Variants in CUL2 observed in about 807,000 individuals in gnomAD.
CUL2 encodes cullin 2, also known as cullin-2.
CUL2 carries 22 observed loss-of-function variants against 110.2 expected under a neutral mutation model. The ratio of observed to expected loss-of-function variants is 0.20; its 90% CI spans 0.14 to 0.28. CUL2 has a LOEUF of 0.28. Among genes scored for constraint, CUL2 ranks in the 10% least tolerant of loss-of-function variants. The probability of loss-of-function intolerance (pLI) is 1.00; values close to 1 mark genes in which losing one functional copy is unlikely to be tolerated. For synonymous variants in CUL2, 279 were observed against 293.2 expected (o/e 0.95, Z 0.49); for missense variants, 631 against 905.5 (o/e 0.70, Z 3.89).
At chr10:35,029,202 C>A (rs1474707708) in intron 15 of CUL2, among the ~76,000 whole-genome samples, 1 of 152,092 alleles carries the variant, frequency 6.6e-6, no homozygotes, top group African/African-American at 2.4e-5. Flanking sequence ...GGATTACAGG[C>A]ACGCACCACC....
At position 35,033,216 on chromosome 10, in the gene CUL2, T is replaced by C; in HGVS notation, c.1060A>G (p.Ile354Val). Reference sequence around the variant, plus strand: ...TGATCACCATTCAAAACAGTGTTGATAAGCTGAACAAATTTACCATGCACT... The same window carrying C: ...TGATCACCATTCAAAACAGTGTTGACAAGCTGAACAAATTTACCATGCACT... Reference protein sequence around the residue: ...LEVHGKFVQLINTVLNGDQHF... With the variant: ...LEVHGKFVQLVNTVLNGDQHF... The change falls in exon 11 of 21, where the codon ATC becomes GTC. Residue 354 changes from isoleucine to valine, a missense_variant. Physicochemically the swap from Ile to Val is conservative, Grantham distance 29 (BLOSUM62 3). This residue lies in a region of CUL2 where 338 missense variants were observed against 442.5 expected (regional missense o/e 0.76). Coordinates refer to ENST00000374749, the MANE Select transcript of CUL2 (RefSeq NM_003591.4). The C allele has an allele frequency of 1.9e-6, 3 of 1,613,820 alleles. No homozygotes were observed. Among genetic ancestry groups the C allele is most frequent in the Non-Finnish European group, 2.5e-6 (3 of 1,179,910 alleles).
rs146013838 is a variant in CUL2, at chr10:35,037,918, C to G, written c.877+1002G>C. Among the ~76,000 whole-genome samples the G allele has an allele frequency of 4.5e-3, 680 of 152,002 alleles. 4 individuals carry two copies. Among genetic ancestry groups the G allele is most frequent in the African/African-American group, 0.015 (638 of 41,454 alleles). On this transcript the variant is annotated intron_variant, in intron 9 of 20. Coordinates refer to ENST00000374749, the MANE Select transcript of CUL2 (RefSeq NM_003591.4). ...CCTGTAATCCCAGCACTTCGGGAGG[C>G]CGGGGCAAGCAGATTATCTGAGGTC...
intron 17 of CUL2, among the ~76,000 whole-genome samples, chr10:35,019,865 G>C (rs771829640): frequency 2.0e-5 from 3 of 152,154 alleles, no homozygotes; most frequent in Admixed American, 6.5e-5. Flanking sequence ...ACTACATTAG[G>C]TTCCTGGAAC....
At chr10:35,017,203 C>T (rs1392342021) in intron 17 of CUL2, among the ~76,000 whole-genome samples, 2 of 152,042 alleles carry the variant, frequency 1.3e-5, no homozygotes, top group African/African-American at 2.4e-5. Context: ...AAAATTAATG[C>T]TATTATGTCT....
chr10:35,075,635 AACACAC>A (rs34714483), intron 1 of CUL2, among the ~76,000 whole-genome samples: 8,241 of 140,924 alleles, frequency 0.058, 285 homozygotes, highest in East Asian at 0.1. Flanking sequence ...TGGGCCCTAA[AACACAC>A]ACACACACAC....
chr10:35,047,943 CAG>C (rs1480731330), intron 6 of CUL2, among the ~76,000 whole-genome samples: 2 of 151,670 alleles, frequency 1.3e-5, no homozygotes, highest in Admixed American at 6.6e-5. Flanking sequence ...ATAATGAATT[CAG>C]AGTTAGATTA....
intron 1 of CUL2, among the ~76,000 whole-genome samples, chr10:35,074,611 C>T (rs1235430477): frequency 6.6e-6 from 1 of 152,148 alleles, no homozygotes; most frequent in East Asian, 1.9e-4. Context: ...CACAGCCTCT[C>T]AAGGAGCTGG....
chr10:35,068,923 A>T (rs772006568), intron 2 of CUL2, among the ~76,000 whole-genome samples: 7 of 152,130 alleles, frequency 4.6e-5, no homozygotes, highest in Non-Finnish European at 8.8e-5. Flanking sequence ...GCTGTAGTGC[A>T]ATGGCCCGAT....
At chr10:35,106,511 T>C (rs2087459140) in intron 1 of CUL2, among the ~76,000 whole-genome samples, 1 of 151,674 alleles carries the variant, frequency 6.6e-6, no homozygotes. Context: ...TTTTTTTCTT[T>C]TTTTTAGAGA....
intron 1 of CUL2, among the ~76,000 whole-genome samples, chr10:35,115,585 AAATT>A (rs202076466): frequency 3.3e-5 from 5 of 151,928 alleles, no homozygotes; most frequent in East Asian, 3.9e-4. Context: ...CAAGGGAGAT[AAATT>A]AATTAATCTA....
At chr10:35,125,215 G>A (rs1295540547) in intron 1 of CUL2, among the ~76,000 whole-genome samples, 1 of 152,168 alleles carries the variant, frequency 6.6e-6, no homozygotes, top group East Asian at 1.9e-4. Flanking sequence ...GGGTATAGCA[G>A]AGGCCATGAA....
intron 16 of CUL2, among the ~76,000 whole-genome samples, chr10:35,027,547 T>G (rs2085367700): frequency 6.6e-6 from 1 of 152,224 alleles, no homozygotes. Context: ...TACTTTTAAT[T>G]ACAGCTTTAA....
At chr10:35,125,677 T>A (rs2087763016) in intron 1 of CUL2, among the ~76,000 whole-genome samples, 1 of 152,218 alleles carries the variant, frequency 6.6e-6, no homozygotes, top group Non-Finnish European at 1.5e-5. Context: ...ATCATCAATA[T>A]TATAACGAAA....
intron 18 of CUL2, among the ~76,000 whole-genome samples, chr10:35,014,941 C>T (rs764875879): frequency 6.6e-6 from 1 of 152,048 alleles, no homozygotes; most frequent in South Asian, 2.1e-4. Flanking sequence ...AAATATAAAA[C>T]CTTTAAGAAT....
chr10:35,055,890 G>A (rs2086230002), intron 4 of CUL2, among the ~76,000 whole-genome samples: 1 of 152,136 alleles, frequency 6.6e-6, no homozygotes, highest in South Asian at 2.1e-4. Context: ...AAGAGGGGAT[G>A]GCCTCTCCAC....
intron 17 of CUL2, among the ~76,000 whole-genome samples, chr10:35,024,525 G>C (rs1266727778): frequency 1.3e-5 from 2 of 152,138 alleles, no homozygotes; most frequent in East Asian, 1.9e-4. Flanking sequence ...AAATTCAAGT[G>C]TCTGCTTTGG....
In CUL2 at chr10:35,071,397, G is replaced by A. The variant is rs1191336370; in HGVS notation, c.-22-58C>T. On this transcript the variant is annotated intron_variant, in intron 1 of 20. Transcript: ENST00000374749. ...ATAATTCCATGAGCTTAGTTTTTTT[G>A]TTGTTGTTTTTTGTTTGTTTGCTTT... 6.1e-6 allele frequency: 9 copies of A among 1,483,678 alleles called. 1 individual carries two copies. Among genetic ancestry groups the A allele is most frequent in the Middle Eastern group, 2.1e-4 (1 of 4,796 alleles). 91.9% of individuals were successfully genotyped at this position (1,483,678 alleles called of 1,614,324 possible).
chr10:35,107,136 G>A (rs1443317042), intron 1 of CUL2, among the ~76,000 whole-genome samples: 3 of 151,842 alleles, frequency 2.0e-5, no homozygotes, highest in African/African-American at 4.8e-5. Context: ...CACCGTGCCC[G>A]GCTAATTTTT....
chr10:35,050,231 G>A (rs547002355), intron 5 of CUL2, among the ~76,000 whole-genome samples: 9 of 151,526 alleles, frequency 5.9e-5, no homozygotes, highest in Admixed American at 2.0e-4. Flanking sequence ...TGAGGCAGGA[G>A]AATTGCTTGA....
Sources: gnomAD v4.1 joint callset for allele counts (sites outside exome capture counted in the v4.1 genomes callset) on GRCh38, gnomAD v4.1.1 for gene constraint, gnomAD v4.1.1 regional missense constraint, MANE v1.5 for transcripts, NCBI Gene and HGNC (gene_info 2026-07-23, HGNC 2026-07-21) for gene names.